NBEA: variants seen among roughly 807,000 people sequenced by gnomAD.
The protein encoded by NBEA is lysosomal-trafficking regulator 2.
NBEA carries 44 observed loss-of-function variants against 343.4 expected under a neutral mutation model. The observed-to-expected ratio is 0.13, with a 90% CI of 0.10 to 0.16. NBEA has a LOEUF of 0.16. Among genes scored for constraint, NBEA ranks in the 10% least tolerant of loss-of-function variants. The pLI, the probability that NBEA is intolerant of heterozygous loss-of-function variation, is 1.00. For synonymous variants in NBEA, 1,175 were observed against 1,238.7 expected (o/e 0.95, Z 1.08); for missense variants, 2,555 against 3,631.3 (o/e 0.70, Z 7.62).
chr13:35,390,244 C>G (rs2042437081), intron 38 of NBEA, among the ~76,000 whole-genome samples: 1 of 151,978 alleles, frequency 6.6e-6, no homozygotes, highest in African/African-American at 2.4e-5. Flanking sequence ...AATACCTTTT[C>G]TATAAAAATT....
chr13:35,214,976 G>A (rs2073985159), intron 33 of NBEA, among the ~76,000 whole-genome samples: 1 of 151,532 alleles, frequency 6.6e-6, no homozygotes, highest in Admixed American at 6.6e-5. Context: ...GACCACCTAT[G>A]TGTAGATCTA....
chr13:35,629,433 C>G (rs752766507), intron 49 of NBEA, among the ~76,000 whole-genome samples: 2 of 152,084 alleles, frequency 1.3e-5, no homozygotes, highest in Non-Finnish European at 2.9e-5. Context: ...TTGTATGGTT[C>G]AAGCAAAGAA....
intron 39 of NBEA, among the ~76,000 whole-genome samples, chr13:35,445,790 A>ATATATATATATATATATATATATATG (rs1566144487): frequency 5.2e-4 from 36 of 69,870 alleles, no homozygotes; most frequent in Non-Finnish European, 7.2e-4. Context: ...GTTTATATAT[A>ATATATATATATATATATATATATATG]TATATATATA....
intron 48 of NBEA, among the ~76,000 whole-genome samples, chr13:35,614,235 TG>T (rs1296750133): frequency 6.6e-6 from 1 of 152,196 alleles, no homozygotes; most frequent in African/African-American, 2.4e-5. Flanking sequence ...CCTTGTATTA[TG>T]GTTATCTTTC....
At chr13:35,260,401 C>T (rs1184092171) in intron 34 of NBEA, among the ~76,000 whole-genome samples, 1 of 152,146 alleles carries the variant, frequency 6.6e-6, no homozygotes, top group East Asian at 1.9e-4. Context: ...TATGAATAAG[C>T]AGTTTTTATA....
At chr13:35,649,584 C>T in intron 51 of NBEA, 71 bp from the exon 52 acceptor site, 1 of 1,298,996 alleles carries the variant, frequency 7.7e-7, no homozygotes, top group African/African-American at 1.5e-5. Context: ...TAACCTCATT[C>T]TCCCTAGACC....
At chr13:35,044,608 G>GTA (rs1284714097) in intron 2 of NBEA, among the ~76,000 whole-genome samples, 2 of 127,978 alleles carry the variant, frequency 1.6e-5, no homozygotes, top group Non-Finnish European at 3.5e-5. Flanking sequence ...GTTGTGGTGT[G>GTA]TGTGTGTGTG....
chr13:35,471,955 C>T lies in NBEA; in HGVS notation c.6449-445C>T, dbSNP rs568288092. On this transcript the variant is annotated intron_variant, in intron 40 of 58. Coordinates refer to ENST00000379939, the MANE Select transcript of NBEA (RefSeq NM_001385012.1). ...ATTTAGATCCTTGCCCCCTTCTCGT[C>T]CTCTCGCCTCTCCTTGGGGAGCGCC... 3.9e-5 allele frequency among the ~76,000 whole-genome samples: 6 copies of T among 152,240 alleles called. No homozygotes were observed. The East Asian group carries it at 7.8e-4, about 20-fold the overall frequency.
chr13:35,339,494 T>G (rs1006133790), intron 36 of NBEA, among the ~76,000 whole-genome samples: 1 of 152,086 alleles, frequency 6.6e-6, no homozygotes, highest in Admixed American at 6.6e-5. Flanking sequence ...AAAAGTACAA[T>G]AAGCTACCAC....
intron 1 of NBEA, among the ~76,000 whole-genome samples, chr13:34,974,958 A>G (rs1051872513): frequency 6.6e-6 from 1 of 152,260 alleles, no homozygotes; most frequent in South Asian, 2.1e-4. Flanking sequence ...TAGTTTTCAC[A>G]ATTTTTACCC....
At chr13:35,257,685 T>A (rs1190348092) in intron 34 of NBEA, among the ~76,000 whole-genome samples, 6 of 152,234 alleles carry the variant, frequency 3.9e-5, no homozygotes, top group African/African-American at 1.4e-4. Flanking sequence ...TGGTAAACTA[T>A]TTGAAAATCA....
chr13:35,334,232 G>A (rs1164164307), intron 36 of NBEA, among the ~76,000 whole-genome samples: 6 of 152,048 alleles, frequency 3.9e-5, no homozygotes, highest in Admixed American at 3.3e-4. Flanking sequence ...TTAGATAAAA[G>A]CCATTTTAAC....
intron 35 of NBEA, 57 bp from the exon 36 acceptor site, chr13:35,309,471 A>C (rs2037212041): frequency 2.2e-6 from 2 of 911,400 alleles, no homozygotes; most frequent in Non-Finnish European, 3.4e-6. Flanking sequence ...CTTAAACCAG[A>C]AGTTACTTTC....
At chr13:34,950,741 C>T (rs1016465414) in intron 1 of NBEA, among the ~76,000 whole-genome samples, 1 of 151,962 alleles carries the variant, frequency 6.6e-6, no homozygotes, top group Non-Finnish European at 1.5e-5. Flanking sequence ...AAAATACTCA[C>T]TTTGGCTAAA....
At chr13:35,002,202 A>C (rs2061164330) in intron 1 of NBEA, among the ~76,000 whole-genome samples, 2 of 152,184 alleles carry the variant, frequency 1.3e-5, no homozygotes, top group Non-Finnish European at 2.9e-5. Flanking sequence ...AACAGGTTAC[A>C]TACAGTTTGT....
At chr13:35,273,524 A>G (rs1217571797) in intron 34 of NBEA, among the ~76,000 whole-genome samples, 2 of 152,322 alleles carry the variant, frequency 1.3e-5, no homozygotes, top group East Asian at 3.9e-4. Flanking sequence ...AGCAGAACTG[A>G]AGGAGATAGA....
At chr13:35,531,035 C>T (rs1281346580) in intron 41 of NBEA, among the ~76,000 whole-genome samples, 1 of 152,110 alleles carries the variant, frequency 6.6e-6, no homozygotes, top group Admixed American at 6.5e-5. Flanking sequence ...GAAATAAATT[C>T]AAAAATCAGA....
rs1438424559 is a variant in NBEA, at chr13:35,161,933, T to G, written c.4045T>G (p.Phe1349Val). The G allele has an allele frequency of 6.4e-7, 1 of 1,555,868 alleles. No homozygotes were observed. The highest frequency in any genetic ancestry group is 8.7e-7 in the Non-Finnish European group (1 of 1,149,090). Residue 1349 changes from phenylalanine (F) to valine (V), a missense_variant, in exon 23 of 59, where the codon TTT becomes GTT. By Grantham distance (50) the Phe-to-Val change is conservative (BLOSUM62 -1). This residue lies in a region of NBEA where 69 missense variants were observed against 128.8 expected (regional missense o/e 0.54). Coordinates refer to ENST00000379939, the MANE Select transcript of NBEA (RefSeq NM_001385012.1). ...MHQRLLTDLL[F>V]ALETDVHVWR... ...CCAGCGGCTTCTCACTGATTTACTATTTGCATTAGAAACTGATGTACATGT... is the reference window on the plus strand; with the variant it reads ...CCAGCGGCTTCTCACTGATTTACTAGTTGCATTAGAAACTGATGTACATGT...
intron 18 of NBEA, among the ~76,000 whole-genome samples, chr13:35,143,267 A>T (rs1270968276): frequency 1.3e-5 from 2 of 152,226 alleles, no homozygotes; most frequent in East Asian, 3.9e-4. Context: ...AAGAGTTGTA[A>T]CAAGAATATT....
Sources: gnomAD v4.1 joint callset for allele counts (sites outside exome capture counted in the v4.1 genomes callset) on GRCh38, gnomAD v4.1.1 for gene constraint, gnomAD v4.1.1 regional missense constraint, MANE v1.5 for transcripts, NCBI Gene and HGNC (gene_info 2026-07-23, HGNC 2026-07-21) for gene names.